The following JAML variants were observed in gnomAD, a reference collection of about 807,000 sequenced individuals.
JAML encodes the protein junctional adhesion molecule-like.
A neutral mutation model predicts 39.3 loss-of-function variants in JAML; 25 were observed. The ratio of observed to expected loss-of-function variants is 0.64; its 90% CI spans 0.46 to 0.89. The LOEUF (loss-of-function observed/expected upper bound fraction) is 0.89, where lower values mean the gene tolerates loss of function less well. JAML is among the 40% of genes least tolerant of loss of function. The probability of loss-of-function intolerance (pLI) is 0.00; values close to 1 mark genes in which losing one functional copy is unlikely to be tolerated. For missense variants in JAML, 440 were observed against 486.9 expected (o/e 0.90, Z 0.91); for synonymous variants, 162 against 179.2 (o/e 0.90, Z 0.77).
chr11:118,223,384 T>C (rs755559439), intron 1 of JAML, among the ~76,000 whole-genome samples: 1 of 152,184 alleles, frequency 6.6e-6, no homozygotes, highest in Non-Finnish European at 1.5e-5. Flanking sequence ...TTTTACCTTA[T>C]GGTCAAACTA....
At position 118,194,248 on chromosome 11, in the gene JAML, T is replaced by G. The variant is rs1354382040; in HGVS notation, c.*77A>C. Reference sequence around the variant, plus strand: ...CAGCTGGGAGAGCGGGAGTCTGAAATCACTGGTAGAGTGGCCCAGGACACA... The same window carrying G: ...CAGCTGGGAGAGCGGGAGTCTGAAAGCACTGGTAGAGTGGCCCAGGACACA... On this transcript the variant is annotated 3_prime_UTR_variant, in exon 10 of 10. Transcript: ENST00000356289. 7.8e-7 allele frequency: 1 copy of G among 1,288,670 alleles called. No individual in the cohort carries two copies. Among genetic ancestry groups the G allele is most frequent in the African/African-American group, 1.5e-5 (1 of 68,374 alleles). The allele number at this position is 1,288,670 out of a possible 1,614,324, so 79.8% of individuals were successfully genotyped here.
chr11:118,220,569 G>C (rs1565486288), intron 1 of JAML, among the ~76,000 whole-genome samples: 1 of 152,206 alleles, frequency 6.6e-6, no homozygotes, highest in Non-Finnish European at 1.5e-5. Flanking sequence ...ATACAGCGTG[G>C]TCCCTATGCA....
At chr11:118,206,099 G>A (rs1204957875) in intron 4 of JAML, 108 bp from the exon 5 acceptor site, 13 of 905,500 alleles carry the variant, frequency 1.4e-5, no homozygotes, top group Admixed American at 9.2e-5. Flanking sequence ...AGCAAAAATC[G>A]CTGTCACCAC....
chr11:118,212,759 A>G, intron 2 of JAML, 198 bp from the exon 3 acceptor site: 2 of 1,564,200 alleles, frequency 1.3e-6, no homozygotes, highest in South Asian at 1.2e-5. Flanking sequence ...GGATTCTGCA[A>G]TCTTCATACT....
At chr11:118,204,424 T>G (rs1487047781) in intron 5 of JAML, 1 of 152,708 alleles carries the variant, frequency 6.5e-6, no homozygotes, top group Non-Finnish European at 1.5e-5. Flanking sequence ...TGCAAGGCCC[T>G]GCATGACCCA....
intron 4 of JAML, among the ~76,000 whole-genome samples, chr11:118,208,683 A>T (rs140834668): frequency 6.6e-6 from 1 of 152,248 alleles, no homozygotes; most frequent in Non-Finnish European, 1.5e-5. Context: ...TGTTCCTTCT[A>T]TTCCACACTC....
chr11:118,197,063 T>C lies in JAML; in HGVS notation c.1006-242A>G. ...GCTTCAAAAGCCAAACATCTTTGTT[T>C]AGATGGATGTTTAGGTAGCAGCAGG... On this transcript the variant is annotated intron_variant, in intron 8 of 9. Coordinates refer to ENST00000356289, the MANE Select transcript of JAML (RefSeq NM_001098526.2). The C allele has an allele frequency of 7.1e-6, 3 of 420,362 alleles. No homozygotes were observed. The South Asian group carries it at 8.2e-5, about 11-fold the overall frequency. 26.0% of individuals were successfully genotyped at this position (420,362 alleles called of 1,614,324 possible). A position where few individuals can be genotyped will look rare whatever the true frequency, so the allele number is the denominator to read the frequency against.
At chr11:118,204,891 T>C (rs1270333186) in intron 5 of JAML, 1 of 152,218 alleles carries the variant, frequency 6.6e-6, no homozygotes, top group Non-Finnish European at 1.5e-5. Flanking sequence ...TTTTTAAAGC[T>C]TTTAAGAAAA....
intron 3 of JAML, 82 bp downstream of exon 3, chr11:118,212,325 T>C: frequency 1.3e-6 from 2 of 1,516,004 alleles, no homozygotes; most frequent in Non-Finnish European, 8.9e-7. Context: ...TGGTGGCACC[T>C]GATGCCTGAC....
chr11:118,197,813 C>T (rs545568201), intron 8 of JAML, 185 bp downstream of exon 8: 5 of 567,586 alleles, frequency 8.8e-6, no homozygotes, highest in Admixed American at 6.4e-5. Flanking sequence ...CTGTCCCAGC[C>T]GACCCCATGC....
intron 9 of JAML, among the ~76,000 whole-genome samples, chr11:118,196,229 G>A (rs577922456): frequency 6.6e-6 from 1 of 151,276 alleles, no homozygotes; most frequent in South Asian, 2.1e-4. Flanking sequence ...CCAGGTCCAA[G>A]CAATTCTCGT....
intron 1 of JAML, among the ~76,000 whole-genome samples, chr11:118,218,884 A>G (rs1949177225): frequency 6.6e-6 from 1 of 152,240 alleles, no homozygotes; most frequent in Non-Finnish European, 1.5e-5. Context: ...CACAACTTCT[A>G]CACTGCTTCC....
intron 6 of JAML, chr11:118,200,908 A>C (rs1365490741): frequency 3.8e-6 from 1 of 266,324 alleles, no homozygotes; most frequent in Admixed American, 4.7e-5. Flanking sequence ...CTTAACAAGG[A>C]CCCAGAAATA....
At chr11:118,196,539 C>T (rs1029371881) in intron 9 of JAML, among the ~76,000 whole-genome samples, 196 bp downstream of exon 9, 1 of 152,278 alleles carries the variant, frequency 6.6e-6, no homozygotes, top group Non-Finnish European at 1.5e-5. Context: ...CTGGTGATAA[C>T]CTTTAATCCT....
Position 118,205,863 on chromosome 11 carries a change from G to T in JAML, c.534+19C>A. ...CAGCCAGAGCCTTCTCTAACACAGT[G>T]ATGTTTCCTCCTTGTTACCTTTGCG... is the stretch of plus-strand genomic sequence containing the variant. On this transcript the variant is annotated intron_variant, in intron 5 of 9. Coordinates refer to ENST00000356289, the MANE Select transcript of JAML (RefSeq NM_001098526.2). 1 of 1,601,716 alleles carries T rather than the reference G, an allele frequency of 6.2e-7. No homozygotes were observed. Among genetic ancestry groups the T allele is most frequent in the Non-Finnish European group, 8.6e-7 (1 of 1,168,872 alleles).
chr11:118,221,327 A>C (rs1949207522), intron 1 of JAML, among the ~76,000 whole-genome samples: 1 of 152,184 alleles, frequency 6.6e-6, no homozygotes. Context: ...ACTGGTCCCC[A>C]ATCTTTTTGG....
intron 1 of JAML, among the ~76,000 whole-genome samples, chr11:118,217,066 C>T (rs927106950): frequency 1.3e-5 from 2 of 152,204 alleles, no homozygotes; most frequent in African/African-American, 4.8e-5. Flanking sequence ...CCCTGCAGCT[C>T]ACCAACCGCA....
Position 118,212,575 on chromosome 11 carries a change from AG to A in JAML, c.44-15del. ...CCAAGGAATAATCTATAGAAGTCAA[AG>A]GCAAGAGGACACATCATTTAGACAA... On this transcript the variant is annotated splice_polypyrimidine_tract_variant and intron_variant, in intron 2 of 9. Transcript: ENST00000356289. 1 of 1,613,068 alleles carries A rather than the reference AG, an allele frequency of 6.2e-7. No individual in the cohort carries two copies.
chr11:118,195,072 G>A (rs923351281), intron 9 of JAML, among the ~76,000 whole-genome samples: 5 of 152,168 alleles, frequency 3.3e-5, no homozygotes, highest in Non-Finnish European at 5.9e-5. Context: ...GAAGACAATT[G>A]TTCCTCCTGC....
Sources: allele counts gnomAD v4.1 joint callset (sites outside exome capture counted in the v4.1 genomes callset), GRCh38; gene constraint gnomAD v4.1.1; transcripts MANE v1.5; gene names NCBI Gene and HGNC (gene_info 2026-07-23, HGNC 2026-07-21).